The following ZNF398 variants were observed in gnomAD, a reference collection of about 807,000 sequenced individuals.
The protein encoded by ZNF398 is zinc finger protein 398, also known as zinc finger DNA binding protein ZER6.
In ZNF398, 18 loss-of-function variants were observed where a neutral mutation model predicts 41.9. The observed-to-expected ratio is 0.43, with a 90% confidence interval of 0.30 to 0.64. ZNF398 has a LOEUF of 0.64. ZNF398 is among the 30% of genes least tolerant of loss of function. The probability of loss-of-function intolerance (pLI) is 0.14; values close to 1 mark genes in which losing one functional copy is unlikely to be tolerated. For synonymous variants in ZNF398, 260 were observed against 308.8 expected (o/e 0.84, Z 1.66); for missense variants, 669 against 822.8 (o/e 0.81, Z 2.29).
intron 2 of ZNF398, among the ~76,000 whole-genome samples, chr7:149,165,107 AAAAG>A (rs977834633): frequency 7.7e-5 from 10 of 130,138 alleles, no homozygotes; most frequent in African/African-American, 2.0e-4. Context: ...AAAAAAAAAG[AAAAG>A]AAAGAAAGAA....
At chr7:149,151,008 C>T (rs1044443909) in intron 1 of ZNF398, among the ~76,000 whole-genome samples, 1 of 152,194 alleles carries the variant, frequency 6.6e-6, no homozygotes, top group South Asian at 2.1e-4. Context: ...CTGTGCCTGG[C>T]CCCTCCAGCT....
intron 1 of ZNF398, among the ~76,000 whole-genome samples, chr7:149,127,900 T>C (rs1160207418): frequency 6.6e-6 from 1 of 152,168 alleles, no homozygotes; most frequent in Non-Finnish European, 1.5e-5. Flanking sequence ...TTATGGTCAC[T>C]CCCTCCGACA....
chr7:149,139,260 A>G (rs979725051), intron 2 of ZNF398, among the ~76,000 whole-genome samples: 1 of 151,508 alleles, frequency 6.6e-6, no homozygotes, highest in African/African-American at 2.4e-5. Flanking sequence ...GGGTCTCACA[A>G]TGTTGCTAAG....
At chr7:149,164,041 G>A (rs1038806625) in intron 2 of ZNF398, among the ~76,000 whole-genome samples, 14 of 151,940 alleles carry the variant, frequency 9.2e-5, no homozygotes, top group African/African-American at 3.4e-4. Flanking sequence ...GAACCCAGGA[G>A]ACAGAGGTTG....
rs187212130 is a variant in ZNF398 at position 149,163,465 on chromosome 7, C to T, written c.421-2693C>T. Reference sequence around the variant, plus strand: ...TCGGCTCACCGCAACCTCCGCCTCCCGAGTTCAAGCGATTCTCCTGCCTCA... The same window carrying T: ...TCGGCTCACCGCAACCTCCGCCTCCTGAGTTCAAGCGATTCTCCTGCCTCA... On this transcript the variant is annotated intron_variant, in intron 2 of 5. Coordinates refer to ENST00000475153, the MANE Select transcript of ZNF398 (RefSeq NM_170686.3). 3.5e-3 allele frequency among the ~76,000 whole-genome samples: 522 copies of T among 149,406 alleles called. 3 individuals are homozygous for T. Among genetic ancestry groups the T allele is most frequent in the Non-Finnish European group, 3.4e-3 (226 of 67,030 alleles).
At position 149,180,065 on chromosome 7, in the gene ZNF398, A is replaced by T; in HGVS notation, c.*264A>T. 1 of 359,294 alleles carries T rather than the reference A, an allele frequency of 2.8e-6. No homozygotes were observed. The allele number at this position is 359,294 out of a possible 1,614,324, so 22.3% of individuals were successfully genotyped here. ...CAAAGATACAACAAAAGCAGAAGTT[A>T]CAAGAATATTGCGGAGAGGTTGGAA... On this transcript the variant is annotated 3_prime_UTR_variant, in exon 6 of 6. Coordinates refer to ENST00000475153, the MANE Select transcript of ZNF398 (RefSeq NM_170686.3).
chr7:149,139,060 G>A (rs1009497726), intron 2 of ZNF398, among the ~76,000 whole-genome samples: 11 of 152,146 alleles, frequency 7.2e-5, no homozygotes, highest in South Asian at 4.1e-4. Flanking sequence ...ACAGGAGCAC[G>A]CCACCACGCC....
intron 2 of ZNF398, among the ~76,000 whole-genome samples, chr7:149,157,096 A>G (rs1437670746): frequency 6.6e-6 from 1 of 152,078 alleles, no homozygotes; most frequent in Non-Finnish European, 1.5e-5. Flanking sequence ...AGAACTGGGT[A>G]GATGGTGTTG....
chr7:149,169,587 G>T (rs1795289258), intron 4 of ZNF398, among the ~76,000 whole-genome samples: 2 of 152,072 alleles, frequency 1.3e-5, no homozygotes, highest in South Asian at 2.1e-4. Flanking sequence ...AAGTAGCTGG[G>T]ACTACAGGCA....
In ZNF398 at chr7:149,179,708, A is replaced by T. The variant is rs1366258520; in HGVS notation, c.1836A>T (p.Ile612=). ...CACCCAACCCACCAGGTCCCCTCAT[A>T]ACTGGGCTTGAAACTTCTGGCCTGG... The part of the protein sequence containing the change: ...GQPPNPPGPL[I]TGLETSGLGV... The change falls in exon 6 of 6, where the codon ATA becomes ATT. Residue 612 remains isoleucine (I), a synonymous_variant. Coordinates refer to ENST00000475153, the MANE Select transcript of ZNF398 (RefSeq NM_170686.3). The surrounding 1 kb of genome is among the most constrained non-coding windows in gnomAD (Gnocchi z 6.1). 2 of 1,614,110 alleles carry T rather than the reference A, an allele frequency of 1.2e-6. No homozygotes were observed. Among genetic ancestry groups the T allele is most frequent in the Non-Finnish European group, 1.7e-6 (2 of 1,180,002 alleles).
At chr7:149,157,836 CAAAA>C (rs67225033) in intron 2 of ZNF398, among the ~76,000 whole-genome samples, 4,373 of 59,652 alleles carry the variant, frequency 0.073, 61 homozygotes, top group Middle Eastern at 0.15. Flanking sequence ...GACTCTGTCT[CAAAA>C]AAAAAAAAAA....
At chr7:149,151,247 A>G in intron 1 of ZNF398, 1 of 1,246,980 alleles carries the variant, frequency 8.0e-7, no homozygotes, top group Non-Finnish European at 1.0e-6. Flanking sequence ...AGAAAGAATG[A>G]TTGGACTGAT....
intron 2 of ZNF398, among the ~76,000 whole-genome samples, chr7:149,137,466 C>T (rs1234936225): frequency 2.6e-5 from 4 of 151,994 alleles, no homozygotes; most frequent in Admixed American, 6.6e-5. Context: ...ACTGCAACCT[C>T]TGCCTCCCTG....
At chr7:149,135,213 C>A (rs1020881438) in intron 2 of ZNF398, among the ~76,000 whole-genome samples, 3 of 151,314 alleles carry the variant, frequency 2.0e-5, no homozygotes, top group African/African-American at 7.3e-5. Context: ...CACGGTGAAA[C>A]CCCGTCTCTA....
At chr7:149,159,474 G>A (rs577077232) in intron 2 of ZNF398, among the ~76,000 whole-genome samples, 2 of 151,318 alleles carry the variant, frequency 1.3e-5, no homozygotes, top group South Asian at 2.1e-4. Flanking sequence ...GTGAAACCCC[G>A]TCTCTACTAA....
At chr7:149,156,491 C>T (rs1383806079) in intron 2 of ZNF398, among the ~76,000 whole-genome samples, 19 of 110,978 alleles carry the variant, frequency 1.7e-4, no homozygotes, top group Admixed American at 5.2e-4. Context: ...GGCAACAGGG[C>T]GAGACTCCAT....
chr7:149,171,860 G>T (rs1484632286), intron 4 of ZNF398, among the ~76,000 whole-genome samples: 1 of 151,908 alleles, frequency 6.6e-6, no homozygotes, highest in Non-Finnish European at 1.5e-5. Context: ...ATAGAGATGG[G>T]GTATAGCCAT....
chr7:149,144,934 T>C (rs1422907118), upstream of ZNF398, among the ~76,000 whole-genome samples: 1 of 152,144 alleles, frequency 6.6e-6, no homozygotes, highest in African/African-American at 2.4e-5. Flanking sequence ...AACAGAATTT[T>C]CTTTCCAAGA....
intron 1 of ZNF398, among the ~76,000 whole-genome samples, chr7:149,149,975 C>T (rs1042975412): frequency 6.6e-6 from 1 of 152,140 alleles, no homozygotes; most frequent in African/African-American, 2.4e-5. Flanking sequence ...TTGAACAGTG[C>T]CAGTCCACCC....
Sources: allele counts gnomAD v4.1 joint callset (sites outside exome capture counted in the v4.1 genomes callset), GRCh38; gene constraint gnomAD v4.1.1; non-coding constraint Gnocchi (gnomAD v3.1); transcripts MANE v1.5; gene names NCBI Gene and HGNC (gene_info 2026-07-23, HGNC 2026-07-21).